The following NIN variants were observed in gnomAD, a reference collection of about 807,000 sequenced individuals.
NIN encodes the protein ninein, also known as glycogen synthase kinase 3 beta-interacting protein.
Under a neutral mutation model 257.6 loss-of-function variants are expected in NIN, and 137 were observed. The ratio of observed to expected loss-of-function variants is 0.53; its 90% CI spans 0.46 to 0.61. The LOEUF (loss-of-function observed/expected upper bound fraction) is 0.61, where lower values mean the gene tolerates loss of function less well. Among genes scored for constraint, NIN ranks in the 20% least tolerant of loss-of-function variants. NIN has a pLI of 0.00. For synonymous variants in NIN, 918 were observed against 919.8 expected, an observed-to-expected ratio of 1.00 and a Z score of 0.04; for missense variants, 2,439 against 2,501.2, an observed-to-expected ratio of 0.98 and a Z score of 0.53.
chr14:50,812,796 G>T (rs4898673), intron 3 of NIN, among the ~76,000 whole-genome samples: 55,554 of 151,994 alleles, frequency 0.37, 10,511 homozygotes, highest in African/African-American at 0.44. Context: ...ATGAAAAGGG[G>T]CTCTATAAAA....
chr14:50,732,196 C>T (rs1412256460), intron 28 of NIN, among the ~76,000 whole-genome samples: 2 of 152,130 alleles, frequency 1.3e-5, no homozygotes, highest in East Asian at 3.9e-4. Flanking sequence ...AGATGAGAGA[C>T]TACTTCCCCC....
chr14:50,793,978 A>C (rs1566854370), intron 4 of NIN, among the ~76,000 whole-genome samples: 1 of 152,134 alleles, frequency 6.6e-6, no homozygotes. Context: ...CTGTTTGAAC[A>C]TGAGTCTTAG....
At position 50,757,725 on chromosome 14, in the gene NIN, A is replaced by C; in HGVS notation, c.3305T>G (p.Leu1102Ter). The C allele has an allele frequency of 6.2e-7, 1 of 1,614,244 alleles. No homozygotes were observed. Among genetic ancestry groups the C allele is most frequent in the Non-Finnish European group, 8.5e-7 (1 of 1,180,042 alleles). ...CTCATCCAAACAAGAAGACATTACT[A>C]ACCCTGGCTCTAACTTTTGTAGCCT... ...QQRLQKLEPG[L>*]VMSSCLDEPA... The change falls in exon 18 of 31, where the codon TTA becomes TGA. Residue 1102 changes from leucine (L) to a stop codon, truncating the protein, a stop_gained. Coordinates refer to ENST00000530997, the MANE Select transcript of NIN (RefSeq NM_020921.4). LOFTEE classifies it high-confidence loss of function.
intron 21 of NIN, among the ~76,000 whole-genome samples, 194 bp downstream of exon 21, chr14:50,752,324 T>C (rs2041822591): frequency 6.6e-6 from 1 of 152,246 alleles, no homozygotes; most frequent in South Asian, 2.1e-4. Flanking sequence ...TGGCCCTGGT[T>C]ATACACTACG....
chr14:50,722,831 G>A lies in NIN; in HGVS notation c.*632C>T, dbSNP rs990729066. On this transcript the variant is annotated 3_prime_UTR_variant, in exon 31 of 31. Coordinates refer to ENST00000530997, the MANE Select transcript of NIN (RefSeq NM_020921.4). Reference sequence around the variant, plus strand: ...TAACATTAGTTAAGAGTGCAATTGAGTAAATCAGTTCTAAATCTATAATAC... The same window carrying A: ...TAACATTAGTTAAGAGTGCAATTGAATAAATCAGTTCTAAATCTATAATAC... The A allele has an allele frequency of 4.7e-6, 1 of 210,742 alleles. No homozygotes were observed. The highest frequency in any genetic ancestry group is 7.1e-5 in the East Asian group (1 of 14,024). The allele number at this position is 210,742 out of a possible 1,614,324, so 13.1% of individuals were successfully genotyped here.
At chr14:50,790,952 G>A (rs538583807) in intron 5 of NIN, among the ~76,000 whole-genome samples, 19 of 152,274 alleles carry the variant, frequency 1.2e-4, no homozygotes, top group Non-Finnish European at 2.4e-4. Flanking sequence ...AGCTTTCTGC[G>A]TATTCCTAGA....
chr14:50,749,308 A>G (rs1162350713), intron 21 of NIN, among the ~76,000 whole-genome samples: 3 of 152,202 alleles, frequency 2.0e-5, no homozygotes, highest in Non-Finnish European at 4.4e-5. Context: ...ACAAAAATTA[A>G]CTCAAGATGG....
At chr14:50,805,210 A>C (rs896870192) in intron 4 of NIN, among the ~76,000 whole-genome samples, 3 of 151,828 alleles carry the variant, frequency 2.0e-5, no homozygotes, top group African/African-American at 7.2e-5. Flanking sequence ...CGGTGATGTC[A>C]ACCATAGCTC....
intron 21 of NIN, among the ~76,000 whole-genome samples, chr14:50,750,579 T>G (rs1330698291): frequency 8.8e-6 from 1 of 113,138 alleles, no homozygotes; most frequent in Non-Finnish European, 1.9e-5. Flanking sequence ...CAGTTCATCT[T>G]GTCTTTAGCC....
intron 12 of NIN, among the ~76,000 whole-genome samples, chr14:50,767,599 T>G (rs369038458): frequency 6.6e-6 from 1 of 152,078 alleles, no homozygotes; most frequent in Non-Finnish European, 1.5e-5. Context: ...GGGCGGATCA[T>G]GAGGTCAGGA....
intron 14 of NIN, among the ~76,000 whole-genome samples, chr14:50,764,264 A>G (rs2042388530): frequency 6.6e-6 from 1 of 152,356 alleles, no homozygotes; most frequent in Admixed American, 6.5e-5. Flanking sequence ...AAGATATTCA[A>G]TATCATTACC....
At chr14:50,778,724 C>T in intron 6 of NIN, 41 bp downstream of exon 6, 1 of 1,601,730 alleles carries the variant, frequency 6.2e-7, no homozygotes, top group Non-Finnish European at 8.6e-7. Context: ...CACCCGGCGG[C>T]CCTTCCCTTC....
At position 50,760,224 on chromosome 14, in the gene NIN, C is replaced by G. The variant is rs754884549; in HGVS notation, c.2032G>C (p.Glu678Gln). Reference sequence around the variant, plus strand: ...AGCACTGCTGCTTGCCCCTGAAGTTCAGCAATTTCATTTTTAAGGTCACTT... The same window carrying G: ...AGCACTGCTGCTTGCCCCTGAAGTTGAGCAATTTCATTTTTAAGGTCACTT... ...QISDLKNEIA[E>Q]LQGQAAVLKE... The change falls in exon 17 of 31, where the codon GAA (glutamate) becomes CAA (glutamine). Residue 678 changes from glutamate to glutamine, a missense_variant. By Grantham distance (29) the Glu-to-Gln change is conservative. Transcript: ENST00000530997. 1.2e-6 allele frequency: 2 copies of G among 1,613,610 alleles called. No homozygotes were observed. The highest frequency in any genetic ancestry group is 1.7e-5 in the Admixed American group (1 of 60,030).
At chr14:50,736,366 T>TA (rs1371919766) in intron 27 of NIN, among the ~76,000 whole-genome samples, 1 of 152,134 alleles carries the variant, frequency 6.6e-6, no homozygotes, top group Non-Finnish European at 1.5e-5. Flanking sequence ...CTCGAACTCC[T>TA]GACCTCGTGA....
At chr14:50,743,354 T>C (rs917982889) in intron 24 of NIN, 62 bp downstream of exon 24, 2 of 1,073,044 alleles carry the variant, frequency 1.9e-6, no homozygotes, top group Admixed American at 3.5e-5. Flanking sequence ...TTTACCGGGA[T>C]TTCTGTTGGA....
intron 22 of NIN, among the ~76,000 whole-genome samples, 175 bp downstream of exon 22, chr14:50,747,817 A>AGAT (rs2041618625): frequency 6.6e-6 from 1 of 152,156 alleles, no homozygotes; most frequent in African/African-American, 2.4e-5. Flanking sequence ...TAGCCTTTAC[A>AGAT]GATAGGATTT....
intron 12 of NIN, among the ~76,000 whole-genome samples, chr14:50,767,831 AAGT>A (rs2042567355): frequency 3.9e-5 from 6 of 151,982 alleles, no homozygotes; most frequent in Admixed American, 3.9e-4. Flanking sequence ...AAAAAAAAAA[AAGT>A]AGAGCAACTC....
At position 50,756,834 on chromosome 14, in the gene NIN, T is replaced by G; in HGVS notation, c.4196A>C (p.Gln1399Pro). The G allele has an allele frequency of 6.4e-7, 1 of 1,551,900 alleles. No homozygotes were observed. The highest frequency in any genetic ancestry group is 1.2e-5 in the South Asian group (1 of 84,110). ...ATGTGCTTTTACTTTTTCCAAGAGC[T>G]GTGTGTTCCCCTCAAGGTACTGGTT... ...QENQYLEGNT[Q>P]LLEKVKAHEI... Residue 1399 changes from glutamine (Q) to proline (P), a missense_variant, in exon 18 of 31, where the codon CAG (glutamine) becomes CCG (proline). This residue lies in a region of NIN where 2,043 missense variants were observed against 2,050.2 expected (regional missense o/e 1.00). Transcript: ENST00000530997.
At chr14:50,735,863 C>A (rs1205562369) in intron 27 of NIN, among the ~76,000 whole-genome samples, 2 of 152,084 alleles carry the variant, frequency 1.3e-5, no homozygotes, top group African/African-American at 4.8e-5. Flanking sequence ...GGATGCCACC[C>A]ACTGTAAGAA....
Sources: allele counts gnomAD v4.1 joint callset (sites outside exome capture counted in the v4.1 genomes callset), GRCh38; gene constraint gnomAD v4.1.1; regional missense constraint gnomAD v4.1.1; transcripts MANE v1.5; gene names NCBI Gene and HGNC (gene_info 2026-07-23, HGNC 2026-07-21).